The following SGCD variants were observed in gnomAD, a reference collection of about 807,000 sequenced individuals.
SGCD encodes the protein delta-sarcoglycan.
SGCD carries 18 observed loss-of-function variants against 36.6 expected under a neutral mutation model. The observed-to-expected ratio is 0.49, with a 90% CI of 0.34 to 0.73. The LOEUF is 0.73. SGCD is among the 30% of genes least tolerant of loss of function. The pLI is 0.01. For synonymous variants in SGCD, 133 were observed against 130.6 expected, an observed-to-expected ratio of 1.02 and a Z score of -0.12; for missense variants, 387 against 346.7, an observed-to-expected ratio of 1.12 and a Z score of -0.92.
the SGCD span, among the ~76,000 whole-genome samples, chr5:155,815,333 A>G: frequency 6.6e-6 from 1 of 152,244 alleles, no homozygotes; most frequent in South Asian, 2.1e-4. Flanking sequence ...ACATAAAGTT[A>G]AAATCCAAAA....
At chr5:156,082,848 A>G (rs1193630227) in intron 1 of SGCD, among the ~76,000 whole-genome samples, 1 of 152,234 alleles carries the variant, frequency 6.6e-6, no homozygotes, top group Non-Finnish European at 1.5e-5. Flanking sequence ...CTGTTTTCCC[A>G]AAGTGGCTGT....
the SGCD span, among the ~76,000 whole-genome samples, chr5:155,840,886 C>T: frequency 6.6e-6 from 1 of 151,342 alleles, no homozygotes; most frequent in Non-Finnish European, 1.5e-5. Flanking sequence ...TGGCACATGC[C>T]TGTAATCTCA....
intron 3 of SGCD, among the ~76,000 whole-genome samples, chr5:156,195,333 C>T (rs763853738): frequency 3.9e-5 from 6 of 152,092 alleles, no homozygotes; most frequent in Non-Finnish European, 8.8e-5. Flanking sequence ...TTCTTGATGC[C>T]ATTAGAGAAA....
intron 1 of SGCD, among the ~76,000 whole-genome samples, chr5:156,113,957 GA>G (rs1761850913): frequency 6.6e-6 from 1 of 151,950 alleles, no homozygotes. Context: ...TTCTGGAAAA[GA>G]AAAAAACTTT....
chr5:156,745,322 A>G (rs1026923750), intron 7 of SGCD, among the ~76,000 whole-genome samples: 1 of 152,172 alleles, frequency 6.6e-6, no homozygotes, highest in Admixed American at 6.5e-5. Flanking sequence ...TGATAACTTC[A>G]AACTGGCCTT....
At chr5:156,680,489 T>C (rs908638631) in intron 7 of SGCD, among the ~76,000 whole-genome samples, 4 of 152,144 alleles carry the variant, frequency 2.6e-5, no homozygotes, top group African/African-American at 9.7e-5. Context: ...TATCATTACG[T>C]AAGAAAATCC....
chr5:156,623,080 T>C (rs780400052), intron 6 of SGCD, among the ~76,000 whole-genome samples: 2 of 152,124 alleles, frequency 1.3e-5, no homozygotes, highest in Non-Finnish European at 2.9e-5. Context: ...TACATATATA[T>C]TTGTTGTATT....
At chr5:155,844,421 T>TTGTGTG in the SGCD span, among the ~76,000 whole-genome samples, 3,810 of 144,534 alleles carry the variant, frequency 0.026, 98 homozygotes, top group African/African-American at 0.066. Flanking sequence ...TGCTAAGGCT[T>TTGTGTG]TGTGTGTGTG....
rs116391495 is a variant in SGCD at position 156,330,310 on chromosome 5, G to A, written c.3+731G>A. On this transcript the variant is annotated intron_variant, in intron 2 of 8. Transcript: ENST00000337851. ...CATCTTGGATAGTTTCCTAAGCCAC[G>A]TCTGACGAACGTGCTGGTACTGGGG... Among the ~76,000 whole-genome samples, 390 of 152,248 alleles carry A rather than the reference G, an allele frequency of 2.6e-3. 3 individuals are homozygous for A. Among genetic ancestry groups the A allele is most frequent in the African/African-American group, 7.5e-3 (313 of 41,546 alleles).
At chr5:155,744,372 A>T in the SGCD span, among the ~76,000 whole-genome samples, 1 of 152,280 alleles carries the variant, frequency 6.6e-6, no homozygotes, top group Non-Finnish European at 1.5e-5. Context: ...AGGCAGGAGA[A>T]TCGCTTGAAC....
intron 3 of SGCD, among the ~76,000 whole-genome samples, chr5:156,366,154 G>A (rs1008883061): frequency 3.3e-5 from 5 of 152,310 alleles, no homozygotes; most frequent in Admixed American, 6.5e-5. Context: ...GCAGCATCGC[G>A]CTGGGATAAG....
intron 3 of SGCD, among the ~76,000 whole-genome samples, chr5:156,176,249 A>G (rs1156928498): frequency 6.6e-6 from 1 of 152,186 alleles, no homozygotes; most frequent in Non-Finnish European, 1.5e-5. Flanking sequence ...AACCCCAGCC[A>G]GACAAAACTG....
intron 3 of SGCD, among the ~76,000 whole-genome samples, chr5:156,250,242 T>C (rs1438398683): frequency 6.6e-6 from 1 of 152,214 alleles, no homozygotes; most frequent in Non-Finnish European, 1.5e-5. Context: ...ACCACTGATA[T>C]TTCCCAAAGA....
At chr5:156,454,200 A>G (rs916745777) in intron 3 of SGCD, among the ~76,000 whole-genome samples, 10 of 152,204 alleles carry the variant, frequency 6.6e-5, no homozygotes, top group South Asian at 2.1e-4. Flanking sequence ...CTCAACTCCA[A>G]GATATTTTAT....
intron 3 of SGCD, among the ~76,000 whole-genome samples, chr5:156,465,895 C>T (rs537545177): frequency 6.6e-6 from 1 of 152,204 alleles, no homozygotes. Context: ...GGCTAGCAGT[C>T]TCTTGTACTC....
At chr5:156,303,890 G>A (rs1767127441) in intron 3 of SGCD, among the ~76,000 whole-genome samples, 1 of 151,714 alleles carries the variant, frequency 6.6e-6, no homozygotes, top group Non-Finnish European at 1.5e-5. Context: ...CAGAAGGAAG[G>A]AGTCTCTTCT....
chr5:156,095,325 A>G (rs1010858722), intron 1 of SGCD, among the ~76,000 whole-genome samples: 81 of 152,202 alleles, frequency 5.3e-4, no homozygotes, highest in African/African-American at 1.8e-3. Flanking sequence ...CCTCAGTCTT[A>G]TTCCAAGTCC....
intron 3 of SGCD, among the ~76,000 whole-genome samples, chr5:156,155,346 C>T (rs1384508219): frequency 6.6e-6 from 1 of 151,528 alleles, no homozygotes; most frequent in Non-Finnish European, 1.5e-5. Context: ...GCCTATTACT[C>T]AGCTGTAAAA....
chr5:156,647,905 G>A (rs959488470), intron 7 of SGCD, among the ~76,000 whole-genome samples: 1 of 152,112 alleles, frequency 6.6e-6, no homozygotes, highest in African/African-American at 2.4e-5. Context: ...AATACAATAC[G>A]ATGTCTTATT....
Sources: allele counts gnomAD v4.1 joint callset (sites outside exome capture counted in the v4.1 genomes callset), GRCh38; gene constraint gnomAD v4.1.1; transcripts MANE v1.5; gene names NCBI Gene and HGNC (gene_info 2026-07-23, HGNC 2026-07-21).